KCNN2: variants seen among roughly 807,000 people sequenced by gnomAD.
KCNN2 encodes the protein potassium calcium-activated channel subfamily N member 2, also known as small conductance calcium-activated potassium channel protein 2.
In KCNN2, 24 loss-of-function variants were observed where a neutral mutation model predicts 55.5. That is an observed-to-expected ratio of 0.43 (90% CI 0.31 to 0.61). The LOEUF is 0.61. Among genes scored for constraint, KCNN2 ranks in the 20% least tolerant of loss-of-function variants. The pLI, the probability that KCNN2 is intolerant of heterozygous loss-of-function variation, is 0.08. For synonymous variants in KCNN2, 431 were observed against 336.1 expected (o/e 1.28, Z -3.09); for missense variants, 754 against 853.6 (o/e 0.88, Z 1.45).
At chr5:114,433,025 G>A (rs935969959) in intron 3 of KCNN2, among the ~76,000 whole-genome samples, 8 of 152,232 alleles carry the variant, frequency 5.3e-5, no homozygotes, top group African/African-American at 1.4e-4. Context: ...CCTGCTCCAC[G>A]GTGCCCAGTC....
intron 2 of KCNN2, among the ~76,000 whole-genome samples, chr5:114,287,290 C>T (rs531370792): frequency 1.3e-5 from 2 of 152,280 alleles, no homozygotes; most frequent in African/African-American, 4.8e-5. Context: ...ACTATAAAGA[C>T]ACATGCACAC....
At chr5:114,315,428 T>A (rs1580716097) in intron 2 of KCNN2, among the ~76,000 whole-genome samples, 2 of 55,838 alleles carry the variant, frequency 3.6e-5, no homozygotes, top group Admixed American at 1.9e-4. Flanking sequence ...AAACTGTGTG[T>A]GTGTGTGTGT....
At chr5:114,488,217 A>G (rs980481210) in intron 6 of KCNN2, among the ~76,000 whole-genome samples, 1 of 152,196 alleles carries the variant, frequency 6.6e-6, no homozygotes. Flanking sequence ...GGACAGATTC[A>G]TTCTTCCATA....
intron 5 of KCNN2, chr5:114,486,796 C>T (rs1747572772): frequency 1.5e-6 from 2 of 1,348,386 alleles, no homozygotes; most frequent in Non-Finnish European, 2.0e-6. Context: ...AAGAAGTTTC[C>T]TGAAGGAGTA....
intron 3 of KCNN2, among the ~76,000 whole-genome samples, chr5:114,408,271 G>A (rs1218542423): frequency 7.0e-6 from 1 of 142,162 alleles, no homozygotes; most frequent in African/African-American, 2.6e-5. Flanking sequence ...ATGCTTTTTT[G>A]CTGTCTGCTT....
At chr5:114,294,922 A>G (rs926285291) in intron 2 of KCNN2, among the ~76,000 whole-genome samples, 2 of 152,164 alleles carry the variant, frequency 1.3e-5, no homozygotes, top group African/African-American at 4.8e-5. Context: ...CTTTACCATT[A>G]TGTAATGGCC....
chr5:114,161,544 G>A (rs1040026528), intron 1 of KCNN2, among the ~76,000 whole-genome samples: 9 of 151,908 alleles, frequency 5.9e-5, no homozygotes, highest in Non-Finnish European at 1.2e-4. Flanking sequence ...TTTGAATGTT[G>A]GCCTGCCTTG....
intron 1 of KCNN2, among the ~76,000 whole-genome samples, chr5:114,138,478 C>T (rs1752213789): frequency 6.6e-6 from 1 of 152,082 alleles, no homozygotes; most frequent in Non-Finnish European, 1.5e-5. Flanking sequence ...GACAAAGTTT[C>T]CTTAAGGTCG....
At chr5:114,077,793 C>G (rs1750712656) in intron 1 of KCNN2, among the ~76,000 whole-genome samples, 1 of 152,178 alleles carries the variant, frequency 6.6e-6, no homozygotes, top group Non-Finnish European at 1.5e-5. Context: ...GAACATTTCT[C>G]TGTCCCGTCT....
chr5:114,274,558 T>C (rs1755443599), intron 2 of KCNN2, among the ~76,000 whole-genome samples: 1 of 152,050 alleles, frequency 6.6e-6, no homozygotes, highest in Non-Finnish European at 1.5e-5. Flanking sequence ...TCACATCCCT[T>C]TAAGTTGTAT....
intron 1 of KCNN2, among the ~76,000 whole-genome samples, chr5:114,160,987 G>C (rs1049125187): frequency 4.6e-5 from 7 of 152,136 alleles, no homozygotes; most frequent in Admixed American, 4.6e-4. Flanking sequence ...TTTAATTGGA[G>C]CATTTAGTCC....
chr5:114,346,200 C>T (rs1248332103), intron 2 of KCNN2, among the ~76,000 whole-genome samples: 1 of 152,164 alleles, frequency 6.6e-6, no homozygotes, highest in Non-Finnish European at 1.5e-5. Context: ...TATTAACACT[C>T]ACTCACTATT....
rs551988793 is a variant in KCNN2, at chr5:114,363,435, G to T, written c.1122+174G>T. 7.9e-5 allele frequency among the ~76,000 whole-genome samples: 12 copies of T among 152,328 alleles called. No homozygotes were observed. The East Asian group carries it at 2.3e-3, about 29-fold the overall frequency. On this transcript the variant is annotated intron_variant, in intron 1 of 7. Transcript: ENST00000673685. ...CATCCGTAGTCAGCTAAACAACTCGGAGATGAACCCTTTCCGCGTGCAGCC... is the reference window on the plus strand; with the variant it reads ...CATCCGTAGTCAGCTAAACAACTCGTAGATGAACCCTTTCCGCGTGCAGCC...
At chr5:114,321,773 G>T (rs1375824582) in intron 2 of KCNN2, among the ~76,000 whole-genome samples, 2 of 152,030 alleles carry the variant, frequency 1.3e-5, no homozygotes, top group African/African-American at 4.8e-5. Flanking sequence ...GGGCTCAAGT[G>T]ATTCTCCTGC....
At chr5:114,158,554 C>T (rs1372962827) in intron 1 of KCNN2, among the ~76,000 whole-genome samples, 1 of 151,910 alleles carries the variant, frequency 6.6e-6, no homozygotes, top group East Asian at 1.9e-4. Flanking sequence ...TCATTGGTAG[C>T]TTGATGGGGA....
chr5:114,382,840 C>T (rs538750852), intron 2 of KCNN2, among the ~76,000 whole-genome samples: 2 of 152,348 alleles, frequency 1.3e-5, no homozygotes, highest in South Asian at 4.1e-4. Context: ...TCAGTTAAAT[C>T]CGAGTGATTG....
chr5:114,251,563 G>C (rs1419752169), intron 2 of KCNN2, among the ~76,000 whole-genome samples: 1 of 152,066 alleles, frequency 6.6e-6, no homozygotes, highest in African/African-American at 2.4e-5. Flanking sequence ...CTTTCCAAAT[G>C]CTGTTCAATA....
chr5:114,088,380 GT>G (rs982040838), intron 1 of KCNN2, among the ~76,000 whole-genome samples: 55 of 143,970 alleles, frequency 3.8e-4, no homozygotes, highest in Non-Finnish European at 5.5e-4. Context: ...TTATCCTGCT[GT>G]TTTTTTTTTG....
At chr5:114,323,649 ATTTT>A (rs6149185) in intron 2 of KCNN2, among the ~76,000 whole-genome samples, 2 of 85,314 alleles carry the variant, frequency 2.3e-5, no homozygotes, top group African/African-American at 4.0e-5. Context: ...AAACATATCA[ATTTT>A]TTTTTTTTTT....
Sources: gnomAD v4.1 joint callset for allele counts (sites outside exome capture counted in the v4.1 genomes callset) on GRCh38, gnomAD v4.1.1 for gene constraint, MANE v1.5 for transcripts, NCBI Gene and HGNC (gene_info 2026-07-23, HGNC 2026-07-21) for gene names.